Variants in FGF13 observed in about 807,000 individuals in gnomAD.
FGF13 encodes fibroblast growth factor 13, also known as fibroblast growth factor homologous factor 2.
FGF13 carries 2 observed loss-of-function variants against 19.5 expected under a neutral mutation model. The ratio of observed to expected loss-of-function variants is 0.10; its 90% confidence interval spans 0.04 to 0.32. The LOEUF is 0.32. Ranked by LOEUF, FGF13 falls within the 10% of genes least tolerant of loss-of-function variation. FGF13 has a pLI of 1.00. For synonymous variants in FGF13, 72 were observed against 76.9 expected, an observed-to-expected ratio of 0.94 and a Z score of 0.33; for missense variants, 113 against 192.7, an observed-to-expected ratio of 0.59 and a Z score of 2.45.
At chrX:138,945,351 C>T (rs1290231456) in intron 1 of FGF13, among the ~76,000 whole-genome samples, 7 of 111,433 alleles carry the variant, frequency 6.3e-5, no homozygotes, top group Non-Finnish European at 1.1e-4. Context: ...CTCCTCTACT[C>T]CTCAAGCACA....
upstream of FGF13, among the ~76,000 whole-genome samples, chrX:138,715,249 A>C (rs180888236): frequency 2.7e-5 from 3 of 111,906 alleles, no homozygotes; most frequent in East Asian, 8.5e-4. Flanking sequence ...CTGGAAACAT[A>C]TGTTTTAATC....
At chrX:138,934,362 G>A (rs5976228) in intron 1 of FGF13, among the ~76,000 whole-genome samples, 2,994 of 112,051 alleles carry the variant, frequency 0.027, 103 homozygotes, top group African/African-American at 0.091. Flanking sequence ...ATCAAGATAA[G>A]GAGGAGGAAC....
At chrX:138,726,281 T>C (rs2090185269) in intron 1 of FGF13, among the ~76,000 whole-genome samples, 1 of 111,815 alleles carries the variant, frequency 8.9e-6, no homozygotes, top group Non-Finnish European at 1.9e-5. Context: ...AGAAGAGGAC[T>C]ATATGGCAGA....
Position 138,627,284 on chromosome X carries a change from TACTC to T in FGF13, c.*5562_*5565del, listed in dbSNP as rs770218191. ...ATTGACTCAAAAGGAGCTGAGATTTTACTCAATCATTATCCCATACGTTTCTCTT... is the reference window on the plus strand; with the variant it reads ...ATTGACTCAAAAGGAGCTGAGATTTTAATCATTATCCCATACGTTTCTCTT... On this transcript the variant is annotated 3_prime_UTR_variant, in exon 5 of 5. Coordinates refer to ENST00000315930, the MANE Select transcript of FGF13 (RefSeq NM_004114.5). The T allele has an allele frequency of 4.5e-5, 5 of 111,954 alleles. No individual in the cohort carries two copies. In the East Asian group the frequency reaches 8.4e-4, roughly 19 times the overall value. The allele number at this position is 111,954 out of a possible 1,213,427, so 9.2% of individuals were successfully genotyped here.
chrX:138,772,591 T>C (rs1438651609), intron 3 of FGF13, among the ~76,000 whole-genome samples: 1 of 111,459 alleles, frequency 9.0e-6, no homozygotes, highest in Non-Finnish European at 1.9e-5. Context: ...TTGGGCAAAC[T>C]TTGCTGAGTT....
chrX:138,750,214 G>A (rs760070279), intron 3 of FGF13, among the ~76,000 whole-genome samples: 15 of 111,048 alleles, frequency 1.4e-4, no homozygotes, highest in African/African-American at 3.9e-4. Flanking sequence ...AACCTGGAGC[G>A]CATTTCCCCA....
chrX:139,071,051 CA>C (rs200091845), intron 1 of FGF13, among the ~76,000 whole-genome samples: 4,676 of 110,768 alleles, frequency 0.042, 111 homozygotes, highest in East Asian at 0.13. Flanking sequence ...ATGAGTGCAG[CA>C]AACCACCATG....
intron 3 of FGF13, among the ~76,000 whole-genome samples, chrX:138,642,399 C>A (rs1445275856): frequency 9.0e-6 from 1 of 111,429 alleles, no homozygotes; most frequent in Non-Finnish European, 1.9e-5. Context: ...TCTATTAGAC[C>A]GATTTTTGTA....
At chrX:138,955,047 A>T (rs1343290019) in intron 1 of FGF13, among the ~76,000 whole-genome samples, 2 of 111,606 alleles carry the variant, frequency 1.8e-5, no homozygotes, top group African/African-American at 6.7e-5. Context: ...GGGCGACTGG[A>T]CATATAGTAT....
intron 1 of FGF13, among the ~76,000 whole-genome samples, chrX:138,968,041 G>A (rs1396807551): frequency 2.7e-5 from 3 of 111,125 alleles, no homozygotes; most frequent in Non-Finnish European, 5.7e-5. Flanking sequence ...ACCCAAACTC[G>A]ACTTCATATC....
intron 1 of FGF13, among the ~76,000 whole-genome samples, chrX:138,983,962 C>G (rs770745340): frequency 1.8e-5 from 2 of 111,817 alleles, no homozygotes; most frequent in South Asian, 7.5e-4. Flanking sequence ...GTAGAATGCA[C>G]TTAAAATGTG....
intron 3 of FGF13, among the ~76,000 whole-genome samples, chrX:138,699,768 T>C (rs2124228066): frequency 8.9e-6 from 1 of 112,179 alleles, no homozygotes; most frequent in Non-Finnish European, 1.9e-5. Flanking sequence ...ATGCTACATA[T>C]TTTCATAACT....
At position 138,622,224 on chromosome X, in the gene FGF13, G is replaced by A. The variant is rs2089020833; in HGVS notation, c.*10626C>T. 9.0e-6 allele frequency: 1 copy of A among 111,251 alleles called. No individual in the cohort carries two copies. Among genetic ancestry groups the A allele is most frequent in the South Asian group, 3.8e-4 (1 of 2,663 alleles). The allele number at this position is 111,251 out of a possible 1,213,427, so 9.2% of individuals were successfully genotyped here. On this transcript the variant is annotated 3_prime_UTR_variant, in exon 5 of 5. Coordinates refer to ENST00000315930, the MANE Select transcript of FGF13 (RefSeq NM_004114.5). ...ATCCACAACAAAATACTAGCTAAAA[G>A]AACTTAACATCACATTAAAAAGATC...
At chrX:139,162,954 T>C (rs1182831381) in intron 1 of FGF13, among the ~76,000 whole-genome samples, 16 of 111,957 alleles carry the variant, frequency 1.4e-4, no homozygotes, top group South Asian at 1.1e-3. Context: ...GGAGTGTAAA[T>C]TAATTCAACC....
chrX:138,922,535 T>G (rs953816606), intron 1 of FGF13, among the ~76,000 whole-genome samples: 1 of 111,787 alleles, frequency 8.9e-6, no homozygotes, highest in African/African-American at 3.3e-5. Context: ...AGGACTTAAT[T>G]TGCTGCTCAG....
chrX:138,771,209 A>T (rs984168849), intron 3 of FGF13, among the ~76,000 whole-genome samples: 10 of 111,980 alleles, frequency 8.9e-5, no homozygotes, highest in African/African-American at 3.2e-4. Flanking sequence ...GGTTGTACTC[A>T]GCTGATAACC....
At chrX:138,961,908 C>T (rs1485503631) in intron 1 of FGF13, among the ~76,000 whole-genome samples, 2 of 111,640 alleles carry the variant, frequency 1.8e-5, no homozygotes, top group African/African-American at 3.3e-5. Context: ...AAAACCTAGG[C>T]ATTACCATTC....
chrX:138,996,072 C>T (rs2124353164), intron 1 of FGF13, among the ~76,000 whole-genome samples: 1 of 111,713 alleles, frequency 9.0e-6, no homozygotes, highest in South Asian at 3.8e-4. Flanking sequence ...GGCAAGATGG[C>T]CAAATAGGAA....
upstream of FGF13, chrX:138,714,661 G>GCACACACA (rs1556065064): frequency 3.6e-5 from 4 of 110,073 alleles, no homozygotes; most frequent in African/African-American, 1.3e-4. Context: ...ACACGCGCGC[G>GCACACACA]CACACACACA....
Sources: allele counts gnomAD v4.1 joint callset (sites outside exome capture counted in the v4.1 genomes callset), GRCh38; gene constraint gnomAD v4.1.1; transcripts MANE v1.5; gene names NCBI Gene and HGNC (gene_info 2026-07-23, HGNC 2026-07-21).